Variants in NEK10 observed in about 807,000 individuals in gnomAD.
NEK10 encodes the protein serine/threonine-protein kinase Nek10.
A neutral mutation model predicts 159.8 loss-of-function variants in NEK10; 122 were observed. The ratio of observed to expected loss-of-function variants is 0.76; its 90% CI spans 0.66 to 0.89. The LOEUF (loss-of-function observed/expected upper bound fraction) is 0.89, where lower values mean the gene tolerates loss of function less well. Ranked by LOEUF, NEK10 falls within the 40% of genes least tolerant of loss-of-function variation. The pLI, the probability that NEK10 is intolerant of heterozygous loss-of-function variation, is 0.00. For synonymous variants in NEK10, 466 were observed against 457.1 expected, an observed-to-expected ratio of 1.02 and a Z score of -0.25; for missense variants, 1,342 against 1,323.1, an observed-to-expected ratio of 1.01 and a Z score of -0.22.
intron 22 of NEK10, among the ~76,000 whole-genome samples, chr3:27,282,791 A>C (rs2042303725): frequency 6.7e-6 from 1 of 150,340 alleles, no homozygotes; most frequent in African/African-American, 2.4e-5. Context: ...CACACAATTT[A>C]TAATAATCCT....
chr3:27,259,580 C>T (rs1459784126), intron 22 of NEK10, among the ~76,000 whole-genome samples: 3 of 152,102 alleles, frequency 2.0e-5, no homozygotes, highest in Non-Finnish European at 4.4e-5. Context: ...TGGTCTGTAT[C>T]TCTGTTTTGG....
chr3:27,129,369 G>T (rs1942351938), intron 32 of NEK10, among the ~76,000 whole-genome samples: 1 of 152,014 alleles, frequency 6.6e-6, no homozygotes, highest in Non-Finnish European at 1.5e-5. Flanking sequence ...GAAATCAAGT[G>T]CATTTACGGG....
At chr3:27,126,610 A>C (rs529483391) in intron 32 of NEK10, among the ~76,000 whole-genome samples, 1 of 152,198 alleles carries the variant, frequency 6.6e-6, no homozygotes, top group African/African-American at 2.4e-5. Context: ...GAAGAGCACA[A>C]TCTCCACCCT....
chr3:27,167,334 T>G (rs1363688883), intron 29 of NEK10, among the ~76,000 whole-genome samples: 2 of 152,200 alleles, frequency 1.3e-5, no homozygotes, highest in Non-Finnish European at 2.9e-5. Flanking sequence ...CAATACACTG[T>G]GCCCTGGAGA....
At chr3:27,314,264 A>C (rs1171753162) in intron 7 of NEK10, 33 bp downstream of exon 7, 2 of 1,548,252 alleles carry the variant, frequency 1.3e-6, no homozygotes, top group Admixed American at 3.5e-5. Flanking sequence ...CAAAATGAAA[A>C]GGCAAGACCA....
At chr3:27,217,816 A>G (rs902139930) in intron 23 of NEK10, among the ~76,000 whole-genome samples, 7 of 152,212 alleles carry the variant, frequency 4.6e-5, no homozygotes, top group African/African-American at 1.7e-4. Context: ...ATCCAGGGAA[A>G]ATATGTTCTA....
intron 3 of NEK10, among the ~76,000 whole-genome samples, chr3:27,349,406 C>G (rs1363055482): frequency 6.6e-6 from 1 of 151,984 alleles, no homozygotes; most frequent in African/African-American, 2.4e-5. Context: ...AATTGGCTTC[C>G]TATTCCTCAA....
chr3:27,333,681 A>G (rs113219909), intron 5 of NEK10, among the ~76,000 whole-genome samples: 4 of 152,240 alleles, frequency 2.6e-5, no homozygotes, highest in African/African-American at 7.2e-5. Flanking sequence ...GTGGGCTACC[A>G]TACCCAGGTA....
intron 32 of NEK10, among the ~76,000 whole-genome samples, chr3:27,125,077 T>C (rs1380682969): frequency 6.6e-6 from 1 of 150,792 alleles, no homozygotes; most frequent in Non-Finnish European, 1.5e-5. Context: ...AATGACTGAA[T>C]ATACTTTCGA....
Position 27,115,990 on chromosome 3 carries a change from C to T in NEK10, c.3249G>A (p.Val1083=). The change falls in exon 35 of 36, where the codon GTG becomes GTA. Residue 1083 remains valine (V), a synonymous_variant. Coordinates refer to ENST00000691995, the MANE Select transcript of NEK10 (RefSeq NM_001394966.1). The part of the protein sequence containing the change: ...EGITYEQMQT[V]IEEVLEESGY... ...CACTTTCCTCAAGGACTTCTTCAAT[C>T]ACAGTCTAAAATTTTAAAAATCAGG... 2.5e-6 allele frequency: 4 copies of T among 1,612,974 alleles called. No individual in the cohort carries two copies. The highest frequency in any genetic ancestry group is 1.7e-4 in the Middle Eastern group (1 of 6,034).
chr3:27,236,695 A>T (rs1342380783), intron 23 of NEK10, among the ~76,000 whole-genome samples: 1 of 152,170 alleles, frequency 6.6e-6, no homozygotes, highest in Non-Finnish European at 1.5e-5. Flanking sequence ...TGAACAGGGA[A>T]TAGGTCACAA....
chr3:27,205,444 C>T (rs1950462152), intron 23 of NEK10, among the ~76,000 whole-genome samples: 2 of 112,450 alleles, frequency 1.8e-5, no homozygotes, highest in African/African-American at 3.6e-5. Flanking sequence ...ATCACACTAC[C>T]TGACTTCAAA....
chr3:27,338,173 T>TGAGGACATG (rs1486080952), intron 5 of NEK10, among the ~76,000 whole-genome samples: 3 of 152,192 alleles, frequency 2.0e-5, no homozygotes, highest in Non-Finnish European at 2.9e-5. Flanking sequence ...CACTTATGAG[T>TGAGGACATG]GAGGACATGC....
chr3:27,280,048 T>A (rs2042041834), intron 22 of NEK10, among the ~76,000 whole-genome samples: 1 of 144,378 alleles, frequency 6.9e-6, no homozygotes, highest in Non-Finnish European at 1.5e-5. Flanking sequence ...AAAAGGTGAA[T>A]TGACCATATG....
rs528493222 is a variant in NEK10 at position 27,127,161 on chromosome 3, TC to T, written c.3081+4718del. Among the ~76,000 whole-genome samples the T allele has an allele frequency of 7.8e-4, 118 of 152,234 alleles. 1 individual carries two copies. Among genetic ancestry groups the T allele is most frequent in the Non-Finnish European group, 1.4e-3 (97 of 67,998 alleles). ...TTGCTTCATTTAAATCTCCCCCACT[TC>T]CCTTCCTACCTTGTCTCACTCTCAA... is the stretch of plus-strand genomic sequence containing the variant. On this transcript the variant is annotated intron_variant, in intron 32 of 35. Transcript: ENST00000691995.
chr3:27,236,782 TAG>T (rs959526477), intron 23 of NEK10, among the ~76,000 whole-genome samples: 2 of 152,080 alleles, frequency 1.3e-5, no homozygotes, highest in African/African-American at 4.8e-5. Flanking sequence ...AGGGCAAAAT[TAG>T]AGTTACTGAT....
At chr3:27,116,199 A>G (rs1441439047) in intron 33 of NEK10, 72 bp from the exon 34 acceptor site, 1 of 1,398,040 alleles carries the variant, frequency 7.2e-7, no homozygotes, top group East Asian at 2.3e-5. Context: ...ACTGGCAATT[A>G]TGACTTCAAC....
intron 24 of NEK10, among the ~76,000 whole-genome samples, chr3:27,202,064 T>C (rs1042942679): frequency 6.6e-5 from 10 of 152,028 alleles, no homozygotes; most frequent in African/African-American, 1.9e-4. Flanking sequence ...GGCAGGAGAA[T>C]TGCTTGAGCC....
Position 27,290,620 on chromosome 3 carries a change from C to T in NEK10, c.1740G>A (p.Glu580=), listed in dbSNP as rs755568973. 1 of 1,583,824 alleles carries T rather than the reference C, an allele frequency of 6.3e-7. No individual in the cohort carries two copies. Among genetic ancestry groups the T allele is most frequent in the Non-Finnish European group, 8.6e-7 (1 of 1,167,350 alleles). ...NIVSELTIIK[E]QLYHPNIVRY... is the part of the protein sequence containing the mutation. Reference sequence around the variant, plus strand: ...CAGAAACAAGGAAAACATTTACCTGCTCTTTAATTATTGTTAATTCAGAAA... The same window carrying T: ...CAGAAACAAGGAAAACATTTACCTGTTCTTTAATTATTGTTAATTCAGAAA... Residue 580 remains glutamate, a synonymous_variant, in exon 19 of 36, where the codon GAG becomes GAA. Transcript: ENST00000691995.
Sources: gnomAD v4.1 joint callset for allele counts (sites outside exome capture counted in the v4.1 genomes callset) on GRCh38, gnomAD v4.1.1 for gene constraint, MANE v1.5 for transcripts, NCBI Gene and HGNC (gene_info 2026-07-23, HGNC 2026-07-21) for gene names.